EDARADD: variants seen among roughly 807,000 people sequenced by gnomAD.
The protein encoded by EDARADD is EDAR associated via death domain.
EDARADD carries 20 observed loss-of-function variants against 25.6 expected under a neutral mutation model. The ratio of observed to expected loss-of-function variants is 0.78; its 90% CI spans 0.55 to 1.14. The LOEUF (loss-of-function observed/expected upper bound fraction) is 1.14, where lower values mean the gene tolerates loss of function less well. Ranked by LOEUF, EDARADD falls within the 50% of genes most tolerant of loss-of-function variation. EDARADD has a pLI of 0.00. For synonymous variants in EDARADD, 86 were observed against 94.4 expected (o/e 0.91, Z 0.52); for missense variants, 225 against 270.1 (o/e 0.83, Z 1.17).
intron 3 of EDARADD, among the ~76,000 whole-genome samples, chr1:236,418,564 C>T (rs1044517936): frequency 6.6e-6 from 1 of 152,184 alleles, no homozygotes; most frequent in Admixed American, 6.5e-5. Flanking sequence ...TAGACTAATG[C>T]TACCCTTAAG....
At chr1:236,455,039 A>G (rs1336821310) in intron 4 of EDARADD, among the ~76,000 whole-genome samples, 1 of 152,028 alleles carries the variant, frequency 6.6e-6, no homozygotes, top group African/African-American at 2.4e-5. Flanking sequence ...GTGAAACCCC[A>G]TCTCTACTAA....
intron 3 of EDARADD, among the ~76,000 whole-genome samples, chr1:236,373,282 T>G (rs1428591132): frequency 4.6e-5 from 7 of 152,052 alleles, no homozygotes; most frequent in Non-Finnish European, 7.4e-5. Context: ...CTTGGCTCAC[T>G]GCAACCTCTG....
intron 3 of EDARADD, among the ~76,000 whole-genome samples, chr1:236,389,008 A>AG (rs1667389870): frequency 6.0e-4 from 2 of 3,338 alleles, no homozygotes; most frequent in Non-Finnish European, 1.7e-3. Context: ...AACATCCCTC[A>AG]AAAAACTTCT....
At position 236,484,500 on chromosome 1, in the gene EDARADD, G is replaced by A. The variant is rs531120259; in HGVS notation, c.*1851G>A. The A allele has an allele frequency of 2.5e-6, 4 of 1,573,534 alleles. No individual in the cohort carries two copies. Among genetic ancestry groups the A allele is most frequent in the Admixed American group, 3.4e-5 (2 of 59,614 alleles). ...GGGCAGGCAAGCCCTTCAGTCACCTGGTGGCTAATTAGACCCCTCCCCTTG... is the reference window on the plus strand; with the variant it reads ...GGGCAGGCAAGCCCTTCAGTCACCTAGTGGCTAATTAGACCCCTCCCCTTG... On this transcript the variant is annotated 3_prime_UTR_variant, in exon 6 of 6. Transcript: ENST00000334232. This position sits in a 1 kb window ranked among gnomAD's most constrained non-coding sequence, Gnocchi z 4.1.
intron 4 of EDARADD, among the ~76,000 whole-genome samples, chr1:236,461,385 A>G (rs979980463): frequency 6.6e-6 from 1 of 152,172 alleles, no homozygotes; most frequent in Non-Finnish European, 1.5e-5. Context: ...CAGTTTTCCC[A>G]GCACCATTTA....
intron 4 of EDARADD, among the ~76,000 whole-genome samples, chr1:236,466,440 A>ACACACACAC (rs1553270444): frequency 0.24 from 30,153 of 124,264 alleles, 3,181 homozygotes; most frequent in Middle Eastern, 0.39. Flanking sequence ...CTCTCTGATA[A>ACACACACAC]ACACACACAC....
intron 3 of EDARADD, among the ~76,000 whole-genome samples, chr1:236,359,960 A>G (rs1372186681): frequency 6.6e-6 from 1 of 152,194 alleles, no homozygotes; most frequent in Non-Finnish European, 1.5e-5. Flanking sequence ...GGCTAAGACA[A>G]CTACTAAAAT....
intron 3 of EDARADD, among the ~76,000 whole-genome samples, chr1:236,375,109 A>T (rs1667211808): frequency 6.6e-6 from 1 of 151,942 alleles, no homozygotes; most frequent in South Asian, 2.1e-4. Context: ...GTTGTCCTAC[A>T]GTTTGCAATA....
chr1:236,396,791 A>G (rs1355258294), intron 1 of EDARADD, among the ~76,000 whole-genome samples: 2 of 151,664 alleles, frequency 1.3e-5, no homozygotes, highest in East Asian at 1.9e-4. Flanking sequence ...CCCCATACCT[A>G]TTGTTTGAAA....
intron 4 of EDARADD, among the ~76,000 whole-genome samples, chr1:236,458,472 A>G (rs1346132497): frequency 6.6e-6 from 1 of 152,190 alleles, no homozygotes; most frequent in Non-Finnish European, 1.5e-5. Flanking sequence ...GGAATCAGGA[A>G]GGAAGTACCT....
At chr1:236,461,179 C>T (rs886522724) in intron 4 of EDARADD, among the ~76,000 whole-genome samples, 16 of 152,120 alleles carry the variant, frequency 1.1e-4, no homozygotes, top group African/African-American at 3.6e-4. Context: ...CCATCACACA[C>T]TTAGGCATTT....
At chr1:236,444,813 C>G (rs1658490010) in intron 4 of EDARADD, among the ~76,000 whole-genome samples, 1 of 152,168 alleles carries the variant, frequency 6.6e-6, no homozygotes, top group Admixed American at 6.5e-5. Flanking sequence ...GCACCTGCCC[C>G]CAGCAGCCAA....
intron 5 of EDARADD, among the ~76,000 whole-genome samples, chr1:236,478,649 C>G (rs1659576643): frequency 6.6e-6 from 1 of 152,062 alleles, no homozygotes; most frequent in Non-Finnish European, 1.5e-5. Flanking sequence ...TGCAGTGGCT[C>G]GAGCTCAGCT....
chr1:236,444,714 G>A lies in EDARADD; in HGVS notation c.219+17264G>A, dbSNP rs567285344. 3.9e-5 allele frequency among the ~76,000 whole-genome samples: 6 copies of A among 152,246 alleles called. No homozygotes were observed. In the South Asian group the frequency reaches 6.2e-4, roughly 16 times the overall value. On this transcript the variant is annotated intron_variant, in intron 4 of 5. Coordinates refer to ENST00000334232, the MANE Select transcript of EDARADD (RefSeq NM_145861.4). ...GCTGGGATTATAGGCGTGAGCCACCGCGCCTGACCAACTCTACAATGTTGA... is the reference window on the plus strand; with the variant it reads ...GCTGGGATTATAGGCGTGAGCCACCACGCCTGACCAACTCTACAATGTTGA...
intron 3 of EDARADD, among the ~76,000 whole-genome samples, chr1:236,422,603 G>A (rs1279678320): frequency 1.3e-5 from 2 of 152,216 alleles, no homozygotes; most frequent in East Asian, 3.8e-4. Flanking sequence ...AGCAGCAACT[G>A]TCTGCTGAGC....
chr1:236,400,720 A>ATTTTTTTT lies in EDARADD; in HGVS notation c.61+6226_61+6233dup, dbSNP rs55864840. On this transcript the variant is annotated intron_variant, in intron 1 of 5. Transcript: ENST00000334232. ...CAGGCTTGTACCACCACACCCGGCT[A>ATTTTTTTT]TTTTTTTTTTTTTTTTTTGTATTTT... is the stretch of plus-strand genomic sequence containing the variant. Among the ~76,000 whole-genome samples the ATTTTTTTT allele has an allele frequency of 1.8e-4, 22 of 121,178 alleles. 1 individual carries two copies. Among genetic ancestry groups the ATTTTTTTT allele is most frequent in the Non-Finnish European group, 2.0e-4 (12 of 60,272 alleles). The allele number at this position is 121,178 out of a possible 152,430, so 79.5% of individuals were successfully genotyped here. A position where few individuals can be genotyped will look rare whatever the true frequency, so the allele number is the denominator to read the frequency against.
intron 4 of EDARADD, among the ~76,000 whole-genome samples, chr1:236,459,304 T>A (rs1393685611): frequency 1.3e-5 from 2 of 152,094 alleles, no homozygotes; most frequent in Non-Finnish European, 2.9e-5. Flanking sequence ...AAATACTCTG[T>A]GATATTTCTG....
intron 4 of EDARADD, among the ~76,000 whole-genome samples, chr1:236,437,894 A>G (rs1391712865): frequency 6.6e-6 from 1 of 151,808 alleles, no homozygotes; most frequent in African/African-American, 2.4e-5. Flanking sequence ...GATCACAGGC[A>G]CCCACCATCA....
chr1:236,442,577 C>T (rs188815511), intron 4 of EDARADD, among the ~76,000 whole-genome samples: 10 of 152,308 alleles, frequency 6.6e-5, no homozygotes, highest in Admixed American at 2.0e-4. Context: ...TTGACCATTC[C>T]GAAAATCATA....
Sources: gnomAD v4.1 joint callset for allele counts (sites outside exome capture counted in the v4.1 genomes callset) on GRCh38, gnomAD v4.1.1 for gene constraint, Gnocchi (gnomAD v3.1) non-coding constraint, MANE v1.5 for transcripts, NCBI Gene and HGNC (gene_info 2026-07-23, HGNC 2026-07-21) for gene names.